DYNC2H1: variants seen among roughly 807,000 people sequenced by gnomAD.
The protein encoded by DYNC2H1 is cytoplasmic dynein 2 heavy chain 1.
In DYNC2H1, 410 loss-of-function variants were observed where a neutral mutation model predicts 570.0. That is an observed-to-expected ratio of 0.72 (90% CI 0.66 to 0.78). The LOEUF (loss-of-function observed/expected upper bound fraction) is 0.78, where lower values mean the gene tolerates loss of function less well. Among genes scored for constraint, DYNC2H1 ranks in the 30% least tolerant of loss-of-function variants. DYNC2H1 has a pLI of 0.00. For missense variants in DYNC2H1, 4,865 were observed against 5,046.4 expected, an observed-to-expected ratio of 0.96 and a Z score of 1.09; for synonymous variants, 1,688 against 1,677.6, an observed-to-expected ratio of 1.01 and a Z score of -0.15.
chr11:103,197,524 G>A (rs1432374340), intron 47 of DYNC2H1, among the ~76,000 whole-genome samples: 1 of 151,740 alleles, frequency 6.6e-6, no homozygotes, highest in Admixed American at 6.6e-5. Flanking sequence ...CATGGCTCAC[G>A]GCAGCCTTAA....
chr11:103,154,247 GGTAAA>G (rs1401579903), intron 22 of DYNC2H1, among the ~76,000 whole-genome samples, 199 bp from the exon 23 acceptor site: 1 of 151,832 alleles, frequency 6.6e-6, no homozygotes, highest in Non-Finnish European at 1.5e-5. Context: ...TATATGAGTA[GGTAAA>G]GTAAAATTCT....
At chr11:103,172,697 A>G (rs535486846) in intron 34 of DYNC2H1, among the ~76,000 whole-genome samples, 19 of 152,208 alleles carry the variant, frequency 1.2e-4, no homozygotes, top group African/African-American at 4.6e-4. Context: ...GAGTGGCTTA[A>G]AGTATTATTT....
chr11:103,360,719 A>G (rs1176310286), intron 83 of DYNC2H1, among the ~76,000 whole-genome samples: 1 of 152,198 alleles, frequency 6.6e-6, no homozygotes, highest in African/African-American at 2.4e-5. Flanking sequence ...ATGCAGAGAT[A>G]CTTGTGGACA....
rs1188499839 is a variant in DYNC2H1 at position 103,275,626 on chromosome 11, T to C, written c.10696-4722T>C. On this transcript the variant is annotated intron_variant, in intron 70 of 88. Coordinates refer to ENST00000375735, the MANE Select transcript of DYNC2H1 (RefSeq NM_001377.3). This position sits in a 1 kb window ranked among gnomAD's most constrained non-coding sequence, Gnocchi z 4.8. ...ATACAGTATGTCAGTATGTAGCCTTTGTAGATTGTCTTCTTTCACTTACTA... is the reference window on the plus strand; with the variant it reads ...ATACAGTATGTCAGTATGTAGCCTTCGTAGATTGTCTTCTTTCACTTACTA... Among the ~76,000 whole-genome samples, 1 of 152,208 alleles carries C rather than the reference T, an allele frequency of 6.6e-6. No individual in the cohort carries two copies. The highest frequency in any genetic ancestry group is 1.5e-5 in the Non-Finnish European group (1 of 68,036).
chr11:103,117,232 G>GTA (rs1017285574), intron 5 of DYNC2H1, among the ~76,000 whole-genome samples: 6 of 144,942 alleles, frequency 4.1e-5, no homozygotes, highest in South Asian at 2.1e-4. Flanking sequence ...TTTAATATAT[G>GTA]TATATATATA....
rs1425189941 is a variant in DYNC2H1 at position 103,249,552 on chromosome 11, A to G, written c.10043-3733A>G. On this transcript the variant is annotated intron_variant, in intron 65 of 88. Coordinates refer to ENST00000375735, the MANE Select transcript of DYNC2H1 (RefSeq NM_001377.3). The surrounding 1 kb of genome is among the most constrained non-coding windows in gnomAD (Gnocchi z 4.6). The stretch of plus-strand genomic sequence containing the variant: ...CCACATTCCTAACTTACAACAGCAT[A>G]GAGAAGTTTTGCTTCTTTTTGTACT... Among the ~76,000 whole-genome samples, 5 of 152,020 alleles carry G rather than the reference A, an allele frequency of 3.3e-5. No homozygotes were observed. The South Asian group carries it at 6.2e-4, about 19-fold the overall frequency.
intron 82 of DYNC2H1, among the ~76,000 whole-genome samples, chr11:103,341,070 T>G (rs1391129550): frequency 6.6e-6 from 1 of 152,148 alleles, no homozygotes; most frequent in East Asian, 1.9e-4. Flanking sequence ...GGCAAAGAAG[T>G]GACAAGGCTG....
chr11:103,443,985 G>A (rs910923023), intron 85 of DYNC2H1, among the ~76,000 whole-genome samples: 7 of 151,630 alleles, frequency 4.6e-5, no homozygotes, highest in South Asian at 2.1e-4. Context: ...AGTAACTTAC[G>A]ATTAAATTTT....
intron 75 of DYNC2H1, among the ~76,000 whole-genome samples, chr11:103,293,021 C>T (rs540554699): frequency 9.8e-5 from 15 of 152,312 alleles, no homozygotes; most frequent in African/African-American, 3.1e-4. Flanking sequence ...CTTACTTTTA[C>T]CAGTGACTTT....
At chr11:103,421,771 A>T (rs1943497360) in intron 84 of DYNC2H1, among the ~76,000 whole-genome samples, 1 of 152,146 alleles carries the variant, frequency 6.6e-6, no homozygotes, top group Non-Finnish European at 1.5e-5. Flanking sequence ...ATCTCAAGTT[A>T]ACAACCTAAC....
At chr11:103,377,464 CT>C (rs1941439888) in intron 83 of DYNC2H1, among the ~76,000 whole-genome samples, 1 of 151,966 alleles carries the variant, frequency 6.6e-6, no homozygotes, top group African/African-American at 2.4e-5. Context: ...AGAGATTAGA[CT>C]ATCGTACATA....
At chr11:103,113,093 T>C (rs1380635676) in intron 1 of DYNC2H1, among the ~76,000 whole-genome samples, 1 of 152,212 alleles carries the variant, frequency 6.6e-6, no homozygotes, top group Non-Finnish European at 1.5e-5. Context: ...TTTAAAATGC[T>C]TTTTCTAAGT....
intron 60 of DYNC2H1, among the ~76,000 whole-genome samples, chr11:103,231,988 C>A (rs1208026892): frequency 6.6e-6 from 1 of 151,720 alleles, no homozygotes; most frequent in African/African-American, 2.4e-5. Flanking sequence ...AACCAATAAA[C>A]CCAGTGTTTT....
intron 82 of DYNC2H1, 104 bp from the exon 83 acceptor site, chr11:103,358,139 C>A: frequency 1.6e-6 from 1 of 606,912 alleles, no homozygotes; most frequent in Non-Finnish European, 2.7e-6. Flanking sequence ...CATTTTTGGT[C>A]TCTATTTTTA....
intron 58 of DYNC2H1, among the ~76,000 whole-genome samples, 175 bp from the exon 59 acceptor site, chr11:103,222,790 G>A (rs1307714283): frequency 6.6e-6 from 1 of 152,150 alleles, no homozygotes; most frequent in Non-Finnish European, 1.5e-5. Context: ...TAGAGTTCAT[G>A]TATATTTCTT....
intron 47 of DYNC2H1, among the ~76,000 whole-genome samples, chr11:103,193,613 G>A (rs568945704): frequency 6.7e-6 from 1 of 150,168 alleles, no homozygotes; most frequent in African/African-American, 2.5e-5. Context: ...GTGCAATCTC[G>A]GCCCACCGCA....
intron 82 of DYNC2H1, among the ~76,000 whole-genome samples, chr11:103,327,336 C>A (rs549379198): frequency 6.6e-6 from 1 of 151,766 alleles, no homozygotes; most frequent in African/African-American, 2.4e-5. Flanking sequence ...CAAATACATA[C>A]GTGTGTGTGT....
At position 103,133,144 on chromosome 11, in the gene DYNC2H1, C is replaced by G. The variant is rs1163559283; in HGVS notation, c.1954-411C>G. ...TTTCTCTTGTTAGGCTGCTGTTTTC[C>G]TAGCCCTTTATAGGAGGTTTTTGAG... is the stretch of plus-strand genomic sequence containing the variant. On this transcript the variant is annotated intron_variant, in intron 13 of 88. Coordinates refer to ENST00000375735, the MANE Select transcript of DYNC2H1 (RefSeq NM_001377.3). The surrounding 1 kb of genome is among the most constrained non-coding windows in gnomAD (Gnocchi z 4.8). Among the ~76,000 whole-genome samples, 1 of 152,140 alleles carries G rather than the reference C, an allele frequency of 6.6e-6. No individual in the cohort carries two copies.
At chr11:103,373,100 T>C (rs1941240308) in intron 83 of DYNC2H1, among the ~76,000 whole-genome samples, 1 of 152,080 alleles carries the variant, frequency 6.6e-6, no homozygotes, top group African/African-American at 2.4e-5. Flanking sequence ...TGCACCACCA[T>C]ATTAGGCTAA....
Sources: allele counts gnomAD v4.1 joint callset (sites outside exome capture counted in the v4.1 genomes callset), GRCh38; gene constraint gnomAD v4.1.1; non-coding constraint Gnocchi (gnomAD v3.1); transcripts MANE v1.5; gene names NCBI Gene and HGNC (gene_info 2026-07-23, HGNC 2026-07-21).